Variants in FHDC1 observed in about 807,000 individuals in gnomAD.
The protein encoded by FHDC1 is FH2 domain containing 1, also known as FH2 domain-containing protein 1.
In FHDC1, 25 loss-of-function variants were observed where a neutral mutation model predicts 52.6. That is an observed-to-expected ratio of 0.48 (90% CI 0.35 to 0.66). The LOEUF is 0.66. FHDC1 is among the 30% of genes least tolerant of loss of function. The pLI, the probability that FHDC1 is intolerant of heterozygous loss-of-function variation, is 0.01. For missense variants in FHDC1, 1,459 were observed against 1,452.8 expected (o/e 1.00, Z -0.07); for synonymous variants, 616 against 581.5 (o/e 1.06, Z -0.85).
At position 152,975,576 on chromosome 4, in the gene FHDC1, C is replaced by T. The variant is rs947432625; in HGVS notation, c.2285C>T (p.Pro762Leu). The T allele has an allele frequency of 6.2e-7, 1 of 1,613,480 alleles. No homozygotes were observed. Among genetic ancestry groups the T allele is most frequent in the African/African-American group, 1.3e-5 (1 of 74,936 alleles). Residue 762 changes from proline (P) to leucine (L), a missense_variant, in exon 12 of 12, where the codon CCT becomes CTT. Coordinates refer to ENST00000511601, the MANE Select transcript of FHDC1 (RefSeq NM_001371116.1). ...AALGSVGSSD[P>L]ENKDPRPLFC... ...TTGGGATCTGTGGGTAGCAGCGACC[C>T]TGAGAACAAAGATCCTAGACCTCTG...
In FHDC1 at chr4:152,978,201, CTG is replaced by C. The variant is rs1228307863; in HGVS notation, c.*1480_*1481del. 6.6e-6 allele frequency: 1 copy of C among 152,220 alleles called. No individual in the cohort carries two copies. Among genetic ancestry groups the C allele is most frequent in the Admixed American group, 6.5e-5 (1 of 15,268 alleles). 9.4% of individuals were successfully genotyped at this position (152,220 alleles called of 1,614,324 possible). On this transcript the variant is annotated 3_prime_UTR_variant, in exon 12 of 12. Transcript: ENST00000511601. ...ATCCCATGTTCCTCCATTCGTGTGT[CTG>C]TTATAAAACTGAGTGAAGGCTGCTA...
the FHDC1 span, among the ~76,000 whole-genome samples, chr4:152,924,970 C>T: frequency 6.6e-6 from 1 of 150,928 alleles, no homozygotes; most frequent in Non-Finnish European, 1.5e-5. Flanking sequence ...TGTAACTAAC[C>T]TGCACATTGT....
chr4:152,960,686 A>G (rs756392174), intron 5 of FHDC1, 36 bp downstream of exon 5: 3 of 1,611,714 alleles, frequency 1.9e-6, no homozygotes, highest in South Asian at 1.1e-5. Flanking sequence ...TTCTTCACGC[A>G]GTAAGATTTT....
At chr4:152,935,085 G>T (rs1012246206), upstream of FHDC1, among the ~76,000 whole-genome samples, 2 of 152,056 alleles carry the variant, frequency 1.3e-5, no homozygotes, top group Non-Finnish European at 2.9e-5. Flanking sequence ...TTCTTAATTG[G>T]ATCCATTTCT....
chr4:152,954,714 G>C (rs768654204), intron 4 of FHDC1, among the ~76,000 whole-genome samples: 3 of 151,938 alleles, frequency 2.0e-5, no homozygotes, highest in Non-Finnish European at 4.4e-5. Flanking sequence ...AAGAAAAAAA[G>C]CTCACATGCT....
rs1202704591 is a variant in FHDC1 at position 152,978,996 on chromosome 4, G to A, written c.*2273G>A. 6.6e-6 allele frequency: 1 copy of A among 152,196 alleles called. No individual in the cohort carries two copies. Among genetic ancestry groups the A allele is most frequent in the Admixed American group, 6.5e-5 (1 of 15,280 alleles). The allele number at this position is 152,196 out of a possible 1,614,324, so 9.4% of individuals were successfully genotyped here. ...TTCACCATCTCAAGAAGCCTAAGAA[G>A]TTATATATTTAATCAGGTAGACAAA... On this transcript the variant is annotated 3_prime_UTR_variant, in exon 12 of 12. Coordinates refer to ENST00000511601, the MANE Select transcript of FHDC1 (RefSeq NM_001371116.1).
chr4:152,932,978 A>G (rs1739277172), upstream of FHDC1, among the ~76,000 whole-genome samples: 1 of 152,242 alleles, frequency 6.6e-6, no homozygotes, highest in African/African-American at 2.4e-5. Context: ...CAACCCAGGG[A>G]GAGGGAAGAG....
chr4:152,938,314 CT>C (rs1739463755), intron 1 of FHDC1, among the ~76,000 whole-genome samples: 1 of 151,230 alleles, frequency 6.6e-6, no homozygotes, highest in Admixed American at 6.6e-5. Flanking sequence ...TTACATTGTG[CT>C]GCAGATTGAA....
At chr4:152,947,801 A>C (rs1739777852) in intron 2 of FHDC1, among the ~76,000 whole-genome samples, 1 of 138,358 alleles carries the variant, frequency 7.2e-6, no homozygotes, top group Non-Finnish European at 1.6e-5. Flanking sequence ...TAGAAAAAGA[A>C]GACCACAGAA....
Position 152,976,212 on chromosome 4 carries a change from C to T in FHDC1, c.2921C>T (p.Pro974Leu). 1.2e-6 allele frequency: 2 copies of T among 1,612,966 alleles called. No homozygotes were observed. Among genetic ancestry groups the T allele is most frequent in the Non-Finnish European group, 1.7e-6 (2 of 1,179,852 alleles). ...AGCACCCGTCCGGGGAGGGACGTTC[C>T]CCTGCAGCCCAGGGGTTCTTTCAAG... ...SSSTRPGRDV[P>L]LQPRGSFKKP... Residue 974 changes from proline (P) to leucine (L), a missense_variant, in exon 12 of 12, where the codon CCC (proline) becomes CTC (leucine). Around this residue, in one of 3 missense-constraint regions of FHDC1, gnomAD observed 939 missense variants for 854.5 expected, o/e 1.10. Coordinates refer to ENST00000511601, the MANE Select transcript of FHDC1 (RefSeq NM_001371116.1).
At position 152,976,069 on chromosome 4, in the gene FHDC1, G is replaced by A. The variant is rs763091313; in HGVS notation, c.2778G>A (p.Gly926=). The part of the protein sequence containing the change: ...GWRRPELSSR[G]PSQNPPSSTD... ...GGCGACCAGAGCTGTCATCCCGGGG[G>A]CCCTCCCAGAATCCCCCCAGCAGCA... Residue 926 remains glycine (G), a synonymous_variant, in exon 12 of 12, where the codon GGG becomes GGA. Coordinates refer to ENST00000511601, the MANE Select transcript of FHDC1 (RefSeq NM_001371116.1). 2.5e-6 allele frequency: 4 copies of A among 1,601,032 alleles called. No individual in the cohort carries two copies. Among genetic ancestry groups the A allele is most frequent in the Admixed American group, 1.7e-5 (1 of 58,004 alleles).
chr4:152,976,457 A>G lies in FHDC1; in HGVS notation c.3166A>G (p.Lys1056Glu). 8 of 1,613,654 alleles carry G rather than the reference A, an allele frequency of 5.0e-6. No homozygotes were observed. Among genetic ancestry groups the G allele is most frequent in the Non-Finnish European group, 6.8e-6 (8 of 1,180,028 alleles). Reference sequence around the variant, plus strand: ...GAGAACAGATCTTCCTCCCGTGGCCAAAGCCCCCGGCATCACTCGGACAGT... The same window carrying G: ...GAGAACAGATCTTCCTCCCGTGGCCGAAGCCCCCGGCATCACTCGGACAGT... ...SMRTDLPPVAKAPGITRTVSQ... is the reference protein window; with the variant it reads ...SMRTDLPPVAEAPGITRTVSQ... Residue 1056 changes from lysine (K) to glutamate (E), a missense_variant, in exon 12 of 12, where the codon AAA (lysine) becomes GAA (glutamate). By Grantham distance (56) the Lys-to-Glu change is moderately conservative. This residue lies in a region of FHDC1 where 939 missense variants were observed against 854.5 expected (regional missense o/e 1.10). Transcript: ENST00000511601.
intron 4 of FHDC1, among the ~76,000 whole-genome samples, chr4:152,955,976 C>G (rs1740072967): frequency 6.6e-6 from 1 of 152,138 alleles, no homozygotes; most frequent in African/African-American, 2.4e-5. Flanking sequence ...TCTCTTTGCA[C>G]ATTAAGTGTA....
chr4:152,926,415 G>A, the FHDC1 span, among the ~76,000 whole-genome samples: 1 of 151,336 alleles, frequency 6.6e-6, no homozygotes, highest in Non-Finnish European at 1.5e-5. Context: ...TTTTAGCTAG[G>A]ACACATTGCT....
At chr4:152,934,999 G>A (rs910742259), upstream of FHDC1, among the ~76,000 whole-genome samples, 2 of 152,114 alleles carry the variant, frequency 1.3e-5, no homozygotes, top group African/African-American at 2.4e-5. Context: ...ATTCCTTTGG[G>A]ATTCATATTA....
At chr4:152,923,519 A>G in the FHDC1 span, among the ~76,000 whole-genome samples, 1 of 152,124 alleles carries the variant, frequency 6.6e-6, no homozygotes, top group African/African-American at 2.4e-5. Flanking sequence ...TTTAAAGTTC[A>G]TATGGAACCA....
chr4:152,978,342 G>GTC lies in FHDC1; in HGVS notation c.*1628_*1629dup, dbSNP rs1475748222. The GTC allele has an allele frequency of 6.6e-6, 1 of 152,182 alleles. No homozygotes were observed. 9.4% of individuals were successfully genotyped at this position (152,182 alleles called of 1,614,324 possible). On this transcript the variant is annotated 3_prime_UTR_variant, in exon 12 of 12. Transcript: ENST00000511601. ...TCTTTTCTAACATGGCCTGGAGAGA[G>GTC]TCTCTCTCTCCTTGTCTCTGTCTCT... is the stretch of plus-strand genomic sequence containing the variant.
At chr4:152,944,196 A>C (rs2149938102) in intron 2 of FHDC1, among the ~76,000 whole-genome samples, 1 of 152,302 alleles carries the variant, frequency 6.6e-6, no homozygotes, top group South Asian at 2.1e-4. Flanking sequence ...TATGAGAAAA[A>C]ATAAAGCTAT....
At position 152,975,759 on chromosome 4, in the gene FHDC1, AC is replaced by A; in HGVS notation, c.2471del (p.Pro824LeufsTer37). Reference protein sequence around the residue: ...GEMGDSQVSSNPTSSPPGEAP... With the variant: ...GEMGDSQVSSXPTSSPPGEAP... ...ATGGGGGACAGCCAAGTCTCCTCCAACCCTACATCCAGCCCCCCTGGGGAGG... is the reference window on the plus strand; with the variant it reads ...ATGGGGGACAGCCAAGTCTCCTCCAACCTACATCCAGCCCCCCTGGGGAGG... On this transcript the variant is annotated frameshift_variant, in exon 12 of 12. Coordinates refer to ENST00000511601, the MANE Select transcript of FHDC1 (RefSeq NM_001371116.1). LOFTEE classifies it low-confidence loss of function (END_TRUNC). 6.4e-7 allele frequency: 1 copy of A among 1,571,592 alleles called. No individual in the cohort carries two copies. The highest frequency in any genetic ancestry group is 8.6e-7 in the Non-Finnish European group (1 of 1,156,764).
Sources: gnomAD v4.1 joint callset for allele counts (sites outside exome capture counted in the v4.1 genomes callset) on GRCh38, gnomAD v4.1.1 for gene constraint, gnomAD v4.1.1 regional missense constraint, MANE v1.5 for transcripts, NCBI Gene and HGNC (gene_info 2026-07-23, HGNC 2026-07-21) for gene names.